The following SPATS2L variants were observed in gnomAD, a reference collection of about 807,000 sequenced individuals.
SPATS2L encodes spermatogenesis associated serine rich 2 like.
SPATS2L carries 30 observed loss-of-function variants against 59.6 expected under a neutral mutation model. The ratio of observed to expected loss-of-function variants is 0.50; its 90% CI spans 0.38 to 0.68. The LOEUF is 0.68. SPATS2L is among the 30% of genes least tolerant of loss of function. The pLI is 0.00. For missense variants in SPATS2L, 615 were observed against 700.0 expected (o/e 0.88, Z 1.37); for synonymous variants, 252 against 263.5 (o/e 0.96, Z 0.42).
At chr2:200,375,026 A>G (rs2081551416) in intron 2 of SPATS2L, among the ~76,000 whole-genome samples, 1 of 152,228 alleles carries the variant, frequency 6.6e-6, no homozygotes, top group Admixed American at 6.5e-5. Flanking sequence ...AACTTCCCCC[A>G]GTGTGAGTTG....
At chr2:200,326,163 C>T (rs2079733295) in intron 1 of SPATS2L, among the ~76,000 whole-genome samples, 1 of 152,114 alleles carries the variant, frequency 6.6e-6, no homozygotes, top group Non-Finnish European at 1.5e-5. Context: ...GTCTTGGGCT[C>T]TTCACAGATG....
At chr2:200,465,981 G>A (rs533823555) in intron 9 of SPATS2L, among the ~76,000 whole-genome samples, 30 of 152,298 alleles carry the variant, frequency 2.0e-4, no homozygotes, top group East Asian at 1.5e-3. Context: ...GCAGTGAGCC[G>A]AGATCATGCC....
chr2:200,459,656 T>A (rs2086099140), intron 8 of SPATS2L, 113 bp from the exon 9 acceptor site: 1 of 820,420 alleles, frequency 1.2e-6, no homozygotes, highest in South Asian at 1.7e-5. Context: ...TAGAAATATT[T>A]ATGGTAATTT....
intron 2 of SPATS2L, among the ~76,000 whole-genome samples, chr2:200,358,015 C>A (rs1211495641): frequency 6.6e-6 from 1 of 152,070 alleles, no homozygotes; most frequent in Non-Finnish European, 1.5e-5. Flanking sequence ...CTGTCACTTG[C>A]CAAACATTCC....
chr2:200,480,391 G>A lies in SPATS2L; in HGVS notation c.*2360G>A. 7.3e-6 allele frequency: 1 copy of A among 137,280 alleles called. No homozygotes were observed. The highest frequency in any genetic ancestry group is 2.1e-4 in the East Asian group (1 of 4,784). The allele number at this position is 137,280 out of a possible 1,614,324, so 8.5% of individuals were successfully genotyped here. A position where few individuals can be genotyped will look rare whatever the true frequency, so the allele number is the denominator to read the frequency against. ...CTTGCTCTATCACCTAGGCTGGAGTGCATGTTTTTGAGACAGGGTCTTGCT... is the reference window on the plus strand; with the variant it reads ...CTTGCTCTATCACCTAGGCTGGAGTACATGTTTTTGAGACAGGGTCTTGCT... On this transcript the variant is annotated 3_prime_UTR_variant, in exon 13 of 13. Transcript: ENST00000409140.
chr2:200,350,196 T>C (rs1476857855), intron 2 of SPATS2L, among the ~76,000 whole-genome samples: 3 of 152,140 alleles, frequency 2.0e-5, no homozygotes, highest in Non-Finnish European at 4.4e-5. Flanking sequence ...AGGGGTTCTT[T>C]GGTGGCCAGA....
chr2:200,425,591 G>A (rs770865222), intron 6 of SPATS2L, among the ~76,000 whole-genome samples: 6 of 152,186 alleles, frequency 3.9e-5, no homozygotes, highest in Non-Finnish European at 8.8e-5. Context: ...ATATTGTGGT[G>A]AGCAGTAAAT....
chr2:200,398,042 G>T (rs2082411139), intron 3 of SPATS2L, among the ~76,000 whole-genome samples: 1 of 152,182 alleles, frequency 6.6e-6, no homozygotes, highest in Admixed American at 6.5e-5. Context: ...ATGCAGTATT[G>T]AATTTCGGCA....
At chr2:200,332,772 C>CTGTGTGTGTGTGTGTGTG (rs144988506) in intron 2 of SPATS2L, among the ~76,000 whole-genome samples, 16 of 143,268 alleles carry the variant, frequency 1.1e-4, no homozygotes, top group African/African-American at 4.1e-4. Flanking sequence ...AGTTAGCTGC[C>CTGTGTGTGTGTGTGTGTG]TGTGTGTGTG....
rs147384747 is a variant in SPATS2L at position 200,473,829 on chromosome 2, G to T, written c.1281+777G>T. Among the ~76,000 whole-genome samples, 436 of 152,194 alleles carry T rather than the reference G, an allele frequency of 2.9e-3. 2 individuals carry two copies. The highest frequency in any genetic ancestry group is 1.0e-2 in the African/African-American group (414 of 41,544). Reference sequence around the variant, plus strand: ...AGCCTGACCAACATGGTGAAACCCTGTCTCTACTAAAAACACAAAATTTAG... The same window carrying T: ...AGCCTGACCAACATGGTGAAACCCTTTCTCTACTAAAAACACAAAATTTAG... On this transcript the variant is annotated intron_variant, in intron 12 of 12. Transcript: ENST00000409140.
At chr2:200,402,831 C>T (rs1470842846) in intron 3 of SPATS2L, among the ~76,000 whole-genome samples, 1 of 152,116 alleles carries the variant, frequency 6.6e-6, no homozygotes, top group Non-Finnish European at 1.5e-5. Flanking sequence ...ACACAAAATT[C>T]AAATAACAAA....
chr2:200,403,245 T>C (rs574190513), intron 3 of SPATS2L, among the ~76,000 whole-genome samples: 1 of 152,328 alleles, frequency 6.6e-6, no homozygotes, highest in African/African-American at 2.4e-5. Context: ...TCTGGAGCAA[T>C]GTGCTTCTCT....
At chr2:200,448,575 G>C (rs2085223474) in intron 8 of SPATS2L, among the ~76,000 whole-genome samples, 2 of 152,124 alleles carry the variant, frequency 1.3e-5, no homozygotes, top group Admixed American at 1.3e-4. Context: ...TTTAATAAAA[G>C]GGCTCTATCT....
intron 3 of SPATS2L, among the ~76,000 whole-genome samples, chr2:200,395,874 G>A (rs11902333): frequency 3.3e-3 from 502 of 150,978 alleles, no homozygotes; most frequent in African/African-American, 0.012. Flanking sequence ...AGCTGGGAGT[G>A]GTGGTGGACA....
intron 2 of SPATS2L, among the ~76,000 whole-genome samples, chr2:200,375,325 C>T (rs1206134611): frequency 1.3e-5 from 2 of 151,900 alleles, no homozygotes; most frequent in Non-Finnish European, 2.9e-5. Flanking sequence ...CTTTTTTGGA[C>T]AAAAGTGTAG....
intron 2 of SPATS2L, among the ~76,000 whole-genome samples, chr2:200,330,815 A>G (rs994659138): frequency 1.3e-5 from 2 of 152,206 alleles, no homozygotes; most frequent in Admixed American, 1.3e-4. Flanking sequence ...GTCACTAATC[A>G]TATTAGAGGT....
chr2:200,318,206 A>G (rs960070007), intron 1 of SPATS2L, among the ~76,000 whole-genome samples: 2 of 152,184 alleles, frequency 1.3e-5, no homozygotes, highest in Admixed American at 6.5e-5. Flanking sequence ...GAAAAGGGGA[A>G]GATGTTATGC....
chr2:200,438,141 G>C (rs189868420), intron 6 of SPATS2L, among the ~76,000 whole-genome samples: 1 of 152,266 alleles, frequency 6.6e-6, no homozygotes, highest in African/African-American at 2.4e-5. Flanking sequence ...AGCAGGGCAA[G>C]GGTGACTATC....
chr2:200,320,318 C>G (rs1037728662), intron 1 of SPATS2L, among the ~76,000 whole-genome samples: 3 of 152,150 alleles, frequency 2.0e-5, no homozygotes, highest in African/African-American at 7.2e-5. Flanking sequence ...AAAAGCATAT[C>G]TAAGTCACCT....
Sources: allele counts gnomAD v4.1 joint callset (sites outside exome capture counted in the v4.1 genomes callset), GRCh38; gene constraint gnomAD v4.1.1; transcripts MANE v1.5; gene names NCBI Gene and HGNC (gene_info 2026-07-23, HGNC 2026-07-21).